MLLT3: variants seen among roughly 807,000 people sequenced by gnomAD.
MLLT3 encodes the protein protein AF-9.
MLLT3 carries 4 observed loss-of-function variants against 53.2 expected under a neutral mutation model. The observed-to-expected ratio is 0.08, with a 90% confidence interval of 0.04 to 0.17. The LOEUF (loss-of-function observed/expected upper bound fraction) is 0.17. MLLT3 is among the 10% of genes least tolerant of loss of function. The probability of loss-of-function intolerance (pLI) is 1.00; values close to 1 mark genes in which losing one functional copy is unlikely to be tolerated. For missense variants in MLLT3, 569 were observed against 684.0 expected (o/e 0.83, Z 1.87); for synonymous variants, 283 against 230.6 (o/e 1.23, Z -2.06).
At chr9:20,590,957 C>G (rs987246267) in intron 2 of MLLT3, among the ~76,000 whole-genome samples, 3 of 151,730 alleles carry the variant, frequency 2.0e-5, no homozygotes, top group African/African-American at 7.3e-5. Flanking sequence ...CCTACATTGC[C>G]TAGTCTGGTC....
chr9:20,352,647 A>G (rs1202484443), intron 10 of MLLT3, among the ~76,000 whole-genome samples: 2 of 151,840 alleles, frequency 1.3e-5, no homozygotes, highest in Admixed American at 6.6e-5. Context: ...TTGAGAGTAT[A>G]TATTTATAGA....
intron 8 of MLLT3, among the ~76,000 whole-genome samples, chr9:20,357,471 G>A (rs1821198801): frequency 6.6e-6 from 1 of 152,114 alleles, no homozygotes; most frequent in Admixed American, 6.5e-5. Context: ...GAAGAATTGT[G>A]GTTTAGTAGC....
intron 2 of MLLT3, among the ~76,000 whole-genome samples, chr9:20,489,200 A>G (rs1419545905): frequency 6.6e-6 from 1 of 152,198 alleles, no homozygotes; most frequent in Non-Finnish European, 1.5e-5. Flanking sequence ...TGGCATGTCA[A>G]TGGAATAGAA....
At chr9:20,378,011 C>A (rs1481497062) in intron 5 of MLLT3, among the ~76,000 whole-genome samples, 2 of 151,954 alleles carry the variant, frequency 1.3e-5, no homozygotes, top group African/African-American at 4.8e-5. Context: ...CAAGGAACTC[C>A]AAAGTTCTTT....
At chr9:20,456,940 A>C (rs1823985176) in intron 2 of MLLT3, among the ~76,000 whole-genome samples, 154 bp from the exon 3 acceptor site, 1 of 152,052 alleles carries the variant, frequency 6.6e-6, no homozygotes, top group Non-Finnish European at 1.5e-5. Context: ...TCTATCCTTT[A>C]TTTCTTCTCC....
chr9:20,477,349 T>C (rs1239927178), intron 2 of MLLT3, among the ~76,000 whole-genome samples: 8 of 152,182 alleles, frequency 5.3e-5, no homozygotes, highest in African/African-American at 1.9e-4. Flanking sequence ...TTTAAAGTAG[T>C]ATTTTAGAGA....
rs991863105 is a variant in MLLT3 at position 20,344,729 on chromosome 9, T to G, written c.*1714A>C. Reference sequence around the variant, plus strand: ...AGAAACAGTGTAAAAAATCCCCTTTTTAAAATGCAGAAATAACTCCATTAT... The same window carrying G: ...AGAAACAGTGTAAAAAATCCCCTTTGTAAAATGCAGAAATAACTCCATTAT... On this transcript the variant is annotated 3_prime_UTR_variant, in exon 11 of 11. Transcript: ENST00000380338. 5 of 206,130 alleles carry G rather than the reference T, an allele frequency of 2.4e-5. No individual in the cohort carries two copies. Among genetic ancestry groups the G allele is most frequent in the African/African-American group, 1.1e-4 (5 of 43,900 alleles). 12.8% of individuals were successfully genotyped at this position (206,130 alleles called of 1,614,324 possible).
chr9:20,438,467 T>C (rs528602380), intron 4 of MLLT3, among the ~76,000 whole-genome samples: 3 of 152,276 alleles, frequency 2.0e-5, no homozygotes, highest in East Asian at 1.9e-4. Flanking sequence ...GCTGGGGCTG[T>C]AGTGCAGTAA....
rs187485695 is a variant in MLLT3 at position 20,560,828 on chromosome 9, T to A, written c.193+59826A>T. 5.0e-3 allele frequency among the ~76,000 whole-genome samples: 762 copies of A among 152,238 alleles called. 4 individuals are homozygous for A. The highest frequency in any genetic ancestry group is 0.016 in the African/African-American group (673 of 41,550). On this transcript the variant is annotated intron_variant, in intron 2 of 10. Coordinates refer to ENST00000380338, the MANE Select transcript of MLLT3 (RefSeq NM_004529.4). The stretch of plus-strand genomic sequence containing the variant: ...TACATATTTATGGGGTACATGTGAG[T>A]ATTTTTTACACATACAGATTGTGTA...
At chr9:20,389,369 G>C (rs112625601) in intron 5 of MLLT3, among the ~76,000 whole-genome samples, 2 of 152,186 alleles carry the variant, frequency 1.3e-5, no homozygotes, top group African/African-American at 4.8e-5. Flanking sequence ...TAGGGCTAGG[G>C]GAGATAAGAG....
At chr9:20,613,419 G>GA (rs1206274988) in intron 2 of MLLT3, among the ~76,000 whole-genome samples, 1 of 152,198 alleles carries the variant, frequency 6.6e-6, no homozygotes, top group African/African-American at 2.4e-5. Flanking sequence ...ACAGACTGAA[G>GA]GGTTGGAAGA....
chr9:20,386,411 C>G (rs1822037429), intron 5 of MLLT3, among the ~76,000 whole-genome samples: 1 of 152,212 alleles, frequency 6.6e-6, no homozygotes, highest in East Asian at 1.9e-4. Context: ...CAAAGTCTGA[C>G]AAGTTAGCCT....
chr9:20,615,004 A>G (rs1820790178), intron 2 of MLLT3, among the ~76,000 whole-genome samples: 1 of 148,912 alleles, frequency 6.7e-6, no homozygotes, highest in Admixed American at 6.7e-5. Context: ...ACCTACAATA[A>G]TGAATATAAA....
intron 2 of MLLT3, among the ~76,000 whole-genome samples, chr9:20,577,230 T>A (rs1819677539): frequency 6.6e-6 from 1 of 152,154 alleles, no homozygotes; most frequent in Non-Finnish European, 1.5e-5. Flanking sequence ...TTCAATTTAG[T>A]ATTGCTTCCC....
At chr9:20,535,869 T>G (rs1345278936) in intron 2 of MLLT3, among the ~76,000 whole-genome samples, 1 of 152,188 alleles carries the variant, frequency 6.6e-6, no homozygotes, top group Non-Finnish European at 1.5e-5. Flanking sequence ...GCTAGAAATA[T>G]CCAAACAATG....
At chr9:20,462,690 T>A (rs918678409) in intron 2 of MLLT3, among the ~76,000 whole-genome samples, 6 of 152,276 alleles carry the variant, frequency 3.9e-5, no homozygotes, top group South Asian at 2.1e-4. Flanking sequence ...TCCTAATACA[T>A]CTGCTACCAT....
intron 4 of MLLT3, among the ~76,000 whole-genome samples, chr9:20,438,426 T>G (rs1376194899): frequency 2.0e-5 from 3 of 152,052 alleles, no homozygotes; most frequent in African/African-American, 7.2e-5. Context: ...TACTTATTTA[T>G]TTAGAGACAG....
At position 20,503,242 on chromosome 9, in the gene MLLT3, T is replaced by C. The variant is rs114819731; in HGVS notation, c.194-46456A>G. ...GAAAGACCCCAAATATCTGAAGTAA[T>C]CTCAAGCAAAAAGAACAAAGCTAGA... On this transcript the variant is annotated intron_variant, in intron 2 of 10. Coordinates refer to ENST00000380338, the MANE Select transcript of MLLT3 (RefSeq NM_004529.4). Among the ~76,000 whole-genome samples the C allele has an allele frequency of 8.3e-3, 1,261 of 152,212 alleles. 22 individuals carry two copies. Among genetic ancestry groups the C allele is most frequent in the African/African-American group, 0.028 (1,151 of 41,524 alleles).
At chr9:20,372,657 C>G (rs1053794115) in intron 5 of MLLT3, among the ~76,000 whole-genome samples, 4 of 146,208 alleles carry the variant, frequency 2.7e-5, no homozygotes, top group African/African-American at 1.0e-4. Context: ...ATCCACCCGC[C>G]TTGGCCTCCC....
Sources: allele counts gnomAD v4.1 joint callset (sites outside exome capture counted in the v4.1 genomes callset), GRCh38; gene constraint gnomAD v4.1.1; transcripts MANE v1.5; gene names NCBI Gene and HGNC (gene_info 2026-07-23, HGNC 2026-07-21).